BAZ2B: variants seen among roughly 807,000 people sequenced by gnomAD.
The protein encoded by BAZ2B is bromodomain adjacent to zinc finger domain protein 2B.
BAZ2B carries 91 observed loss-of-function variants against 246.0 expected under a neutral mutation model. The observed-to-expected ratio is 0.37, with a 90% CI of 0.31 to 0.44. The LOEUF (loss-of-function observed/expected upper bound fraction) is 0.44. Ranked by LOEUF, BAZ2B falls within the 20% of genes least tolerant of loss-of-function variation. The pLI is 1.00. For synonymous variants in BAZ2B, 855 were observed against 860.0 expected (o/e 0.99, Z 0.10); for missense variants, 2,332 against 2,533.7 (o/e 0.92, Z 1.71).
At chr2:159,462,805 C>T (rs759372045) in intron 3 of BAZ2B, 6 of 1,454,722 alleles carry the variant, frequency 4.1e-6, no homozygotes, top group South Asian at 2.3e-5. Flanking sequence ...TAGTCTGTTG[C>T]CCATCGATAG....
chr2:159,700,660 T>TGGTC, the BAZ2B span, among the ~76,000 whole-genome samples: 8 of 152,232 alleles, frequency 5.3e-5, no homozygotes, highest in Non-Finnish European at 1.2e-4. Flanking sequence ...TTGGCCAGGC[T>TGGTC]GGTCTCGAAC....
chr2:159,461,367 G>A (rs527396744), intron 3 of BAZ2B: 2 of 152,658 alleles, frequency 1.3e-5, no homozygotes, highest in East Asian at 3.9e-4. Flanking sequence ...TTGGCAGGCA[G>A]GACTGAGGAA....
At chr2:159,624,599 G>A in the BAZ2B span, among the ~76,000 whole-genome samples, 1 of 152,228 alleles carries the variant, frequency 6.6e-6, no homozygotes, top group Non-Finnish European at 1.5e-5. Context: ...GGGCCTGACT[G>A]TTGGAAGGAA....
chr2:159,374,784 C>T, intron 25 of BAZ2B, 31 bp from the exon 26 acceptor site: 1 of 1,578,126 alleles, frequency 6.3e-7, no homozygotes, highest in South Asian at 1.1e-5. Context: ...TGTCATTTAT[C>T]TGTTTTAAGA....
chr2:159,491,716 G>A (rs1230440236), intron 2 of BAZ2B, among the ~76,000 whole-genome samples: 1 of 17,930 alleles, frequency 5.6e-5, no homozygotes, highest in Non-Finnish European at 9.5e-5. Flanking sequence ...GCGAGACTCC[G>A]TCTCAAAAAA....
At chr2:159,597,706 T>C (rs1451678675) in intron 1 of BAZ2B, among the ~76,000 whole-genome samples, 1 of 152,182 alleles carries the variant, frequency 6.6e-6, no homozygotes, top group Admixed American at 6.5e-5. Flanking sequence ...TCTGCCCGCC[T>C]TGGCCTCCCA....
At chr2:159,622,263 CAAAAAAAAAA>C in the BAZ2B span, among the ~76,000 whole-genome samples, 1 of 64,982 alleles carries the variant, frequency 1.5e-5, no homozygotes, top group Non-Finnish European at 2.9e-5. Flanking sequence ...AGTACTGTCT[CAAAAAAAAAA>C]AAAAAAAAAA....
intron 2 of BAZ2B, among the ~76,000 whole-genome samples, chr2:159,530,436 T>G (rs2085255640): frequency 6.6e-6 from 1 of 152,218 alleles, no homozygotes; most frequent in African/African-American, 2.4e-5. Flanking sequence ...TTTCAAAATA[T>G]CTCAGTATAT....
intron 3 of BAZ2B, among the ~76,000 whole-genome samples, chr2:159,474,392 TG>T (rs1326535757): frequency 1.3e-5 from 2 of 152,218 alleles, no homozygotes; most frequent in African/African-American, 4.8e-5. Context: ...CTGCTTTTTT[TG>T]CTTTCCATTT....
At chr2:159,624,718 TG>T in the BAZ2B span, among the ~76,000 whole-genome samples, 1 of 152,238 alleles carries the variant, frequency 6.6e-6, no homozygotes, top group African/African-American at 2.4e-5. Flanking sequence ...TCCATGAAGA[TG>T]GGGAGAAACC....
chr2:159,366,588 G>A (rs2060239508), intron 27 of BAZ2B, among the ~76,000 whole-genome samples: 2 of 152,188 alleles, frequency 1.3e-5, no homozygotes, highest in African/African-American at 2.4e-5. Context: ...AGTCACCTAC[G>A]AAGCTGAGGA....
intron 2 of BAZ2B, among the ~76,000 whole-genome samples, chr2:159,530,386 T>C (rs2085251589): frequency 6.6e-6 from 1 of 152,214 alleles, no homozygotes; most frequent in Admixed American, 6.5e-5. Context: ...TATATTCCCC[T>C]TAAAACGGAA....
chr2:159,384,529 T>C (rs1412250969), intron 23 of BAZ2B, among the ~76,000 whole-genome samples: 1 of 152,008 alleles, frequency 6.6e-6, no homozygotes, highest in Non-Finnish European at 1.5e-5. Context: ...ATCTGTAAAA[T>C]AATGAATAAC....
intron 2 of BAZ2B, among the ~76,000 whole-genome samples, chr2:159,486,221 T>C (rs184552311): frequency 6.6e-6 from 1 of 152,136 alleles, no homozygotes; most frequent in Non-Finnish European, 1.5e-5. Context: ...GATCCTTTCA[T>C]CTACAAATCC....
At chr2:159,684,317 CTT>C in the BAZ2B span, among the ~76,000 whole-genome samples, 4 of 152,160 alleles carry the variant, frequency 2.6e-5, no homozygotes, top group Non-Finnish European at 2.9e-5. Flanking sequence ...TTTCACTTCT[CTT>C]GAGTAAAACC....
intron 31 of BAZ2B, among the ~76,000 whole-genome samples, chr2:159,346,791 C>G (rs2067918944): frequency 1.3e-5 from 2 of 152,090 alleles, no homozygotes; most frequent in Non-Finnish European, 2.9e-5. Flanking sequence ...CCCCTCTTTA[C>G]AAAACCAAAA....
the BAZ2B span, among the ~76,000 whole-genome samples, chr2:159,672,472 C>T: frequency 5.9e-5 from 9 of 152,266 alleles, no homozygotes; most frequent in Admixed American, 5.9e-4. Context: ...TAAAACTATG[C>T]AATTTTCATT....
At chr2:159,406,198 A>G (rs556017304) in intron 14 of BAZ2B, among the ~76,000 whole-genome samples, 9 of 152,326 alleles carry the variant, frequency 5.9e-5, no homozygotes, top group African/African-American at 1.9e-4. Flanking sequence ...GGATGTTAGC[A>G]GTTGTGATGA....
chr2:159,544,476 T>TA (rs1450862381), intron 2 of BAZ2B, among the ~76,000 whole-genome samples: 1 of 152,178 alleles, frequency 6.6e-6, no homozygotes. Flanking sequence ...TATCATTGAC[T>TA]AATACAGGGA....
Sources: allele counts gnomAD v4.1 joint callset (sites outside exome capture counted in the v4.1 genomes callset), GRCh38; gene constraint gnomAD v4.1.1; transcripts MANE v1.5; gene names NCBI Gene and HGNC (gene_info 2026-07-23, HGNC 2026-07-21).